Variants in VIL1 observed in about 807,000 individuals in gnomAD.
The protein encoded by VIL1 is villin 1, also known as villin-1.
VIL1 carries 86 observed loss-of-function variants against 104.0 expected under a neutral mutation model. The ratio of observed to expected loss-of-function variants is 0.83; its 90% CI spans 0.69 to 0.99. The LOEUF (loss-of-function observed/expected upper bound fraction) is 0.99, where lower values mean the gene tolerates loss of function less well. VIL1 is among the 50% of genes least tolerant of loss of function. The pLI, the probability that VIL1 is intolerant of heterozygous loss-of-function variation, is 0.00. For missense variants in VIL1, 944 were observed against 1,054.1 expected (o/e 0.90, Z 1.45); for synonymous variants, 394 against 412.6 (o/e 0.95, Z 0.55).
At chr2:218,434,500 T>C (rs1194846603) in intron 13 of VIL1, 26 bp from the exon 14 acceptor site, 2 of 1,594,180 alleles carry the variant, frequency 1.3e-6, no homozygotes, top group Admixed American at 3.5e-5. Context: ...TGACTCTCTC[T>C]CCCTGTCTTC....
intron 10 of VIL1, 103 bp downstream of exon 10, chr2:218,430,981 A>G (rs1247491289): frequency 3.5e-6 from 5 of 1,449,164 alleles, no homozygotes; most frequent in Non-Finnish European, 3.8e-6. Flanking sequence ...TGCATCTTCA[A>G]CGAAGACTTT....
intron 14 of VIL1, 36 bp downstream of exon 14, chr2:218,434,741 G>C: frequency 6.3e-7 from 1 of 1,576,404 alleles, no homozygotes; most frequent in Non-Finnish European, 8.6e-7. Flanking sequence ...CCATCCGCAA[G>C]TGGGTCCTGG....
At chr2:218,420,598 T>G (rs551978387) in intron 1 of VIL1, among the ~76,000 whole-genome samples, 107 of 150,390 alleles carry the variant, frequency 7.1e-4, no homozygotes, top group East Asian at 3.3e-3. Context: ...TTTTTGTTTT[T>G]TTTTTGAGAA....
At chr2:218,441,314 G>A (rs1000036599) in intron 19 of VIL1, among the ~76,000 whole-genome samples, 3 of 144,662 alleles carry the variant, frequency 2.1e-5, no homozygotes, top group African/African-American at 2.9e-5. Context: ...GCTTGAACCC[G>A]GGAGGTGGAG....
Position 218,423,786 on chromosome 2 carries a change from A to C in VIL1, c.8A>C (p.Lys3Thr). MT[K>T]LSAQVKGSLN... ...CCCCCAGGCTCACTCACCATGACCA[A>C]GCTGAGCGCCCAAGTCAAAGGCTCT... Residue 3 changes from lysine to threonine, a missense_variant, in exon 2 of 20, where the codon AAG (lysine) becomes ACG (threonine). By Grantham distance (78) the Lys-to-Thr change is moderately conservative. Transcript: ENST00000248444. The C allele has an allele frequency of 6.2e-7, 1 of 1,614,150 alleles. No homozygotes were observed. Among genetic ancestry groups the C allele is most frequent in the Non-Finnish European group, 8.5e-7 (1 of 1,180,020 alleles).
intron 10 of VIL1, among the ~76,000 whole-genome samples, chr2:218,431,524 C>A (rs1689098274): frequency 6.6e-6 from 1 of 152,092 alleles, no homozygotes; most frequent in African/African-American, 2.4e-5. Flanking sequence ...GTACAGCCCC[C>A]AACATTGCAC....
At position 218,447,920 on chromosome 2, in the gene VIL1, T is replaced by C. The variant is rs1198175875; in HGVS notation, c.2371-1303T>C. On this transcript the variant is annotated intron_variant, in intron 19 of 19. Transcript: ENST00000248444. ...TTTGTTTTCAGTATACTTTCATATG[T>C]AGTATTATTTTCATTTTCATAAAAG... Among the ~76,000 whole-genome samples the C allele has an allele frequency of 2.6e-5, 4 of 152,124 alleles. No individual in the cohort carries two copies. The East Asian group carries it at 7.7e-4, about 29-fold the overall frequency.
At chr2:218,446,371 A>G (rs566635813) in intron 19 of VIL1, among the ~76,000 whole-genome samples, 1 of 152,220 alleles carries the variant, frequency 6.6e-6, no homozygotes, top group South Asian at 2.1e-4. Flanking sequence ...AGTAGCTGAG[A>G]ATACAGGTTC....
At chr2:218,432,409 A>C (rs569304587) in intron 12 of VIL1, 1 of 765,582 alleles carries the variant, frequency 1.3e-6, no homozygotes, top group Admixed American at 2.0e-5. Context: ...CCTTCTGCAC[A>C]TTCTTGTCAC....
intron 12 of VIL1, 74 bp downstream of exon 12, chr2:218,432,257 C>A: frequency 6.4e-7 from 1 of 1,560,458 alleles, no homozygotes; most frequent in Non-Finnish European, 8.6e-7. Context: ...GCTAAGTGGC[C>A]ATCACCCTTG....
intron 18 of VIL1, 112 bp from the exon 19 acceptor site, chr2:218,440,610 G>A (rs1032342776): frequency 1.5e-6 from 2 of 1,307,496 alleles, no homozygotes; most frequent in Non-Finnish European, 2.2e-6. Flanking sequence ...GGGTGGGGTG[G>A]GACATGGGAG....
At chr2:218,420,282 A>T (rs1688877177) in intron 1 of VIL1, among the ~76,000 whole-genome samples, 1 of 151,908 alleles carries the variant, frequency 6.6e-6, no homozygotes, top group African/African-American at 2.4e-5. Flanking sequence ...ATACATAATT[A>T]GCTGGGTGTG....
chr2:218,432,265 T>G (rs1369239575), intron 12 of VIL1, 82 bp downstream of exon 12: 1 of 1,545,476 alleles, frequency 6.5e-7, no homozygotes, highest in African/African-American at 1.4e-5. Flanking sequence ...GCCATCACCC[T>G]TGGGTTGAAT....
intron 1 of VIL1, among the ~76,000 whole-genome samples, chr2:218,420,612 G>A (rs1204812919): frequency 6.9e-6 from 1 of 145,510 alleles, no homozygotes; most frequent in East Asian, 2.1e-4. Context: ...TTGAGAAGGA[G>A]TCTCACTCTT....
chr2:218,424,176 C>T (rs3731866), intron 2 of VIL1, 101 bp from the exon 3 acceptor site: 302,104 of 1,004,444 alleles, frequency 0.3, 48,385 homozygotes, highest in Non-Finnish European at 0.33. Flanking sequence ...TTCCTGGGCC[C>T]GGCTCTTTGT....
At chr2:218,426,807 T>C (rs998467792) in intron 4 of VIL1, among the ~76,000 whole-genome samples, 1 of 151,652 alleles carries the variant, frequency 6.6e-6, no homozygotes, top group East Asian at 2.0e-4. Context: ...TTTCACCGTG[T>C]TAGCCAGGAT....
chr2:218,425,927 T>G, intron 4 of VIL1, 116 bp downstream of exon 4: 1 of 1,145,592 alleles, frequency 8.7e-7, no homozygotes, highest in Non-Finnish European at 1.2e-6. Context: ...GGAAGAACAC[T>G]TGGAGCAGGG....
chr2:218,429,117 C>T lies in VIL1; in HGVS notation c.568-168C>T, dbSNP rs530041799. Among the ~76,000 whole-genome samples, 32 of 152,330 alleles carry T rather than the reference C, an allele frequency of 2.1e-4. No individual in the cohort carries two copies. The South Asian group carries it at 2.3e-3, about 11-fold the overall frequency. On this transcript the variant is annotated intron_variant, in intron 6 of 19. Transcript: ENST00000248444. ...CTCCCAGCTGCCTTCCCCCTGGTTTCCTTACATGCCTTAAAAGCTTGACCC... is the reference window on the plus strand; with the variant it reads ...CTCCCAGCTGCCTTCCCCCTGGTTTTCTTACATGCCTTAAAAGCTTGACCC...
chr2:218,432,178 T>C lies in VIL1; in HGVS notation c.1336T>C (p.Trp446Arg). The change falls in exon 12 of 20, where the codon TGG (tryptophan) becomes CGG (arginine). Residue 446 changes from tryptophan (W) to arginine (R), a missense_variant. By Grantham distance (101) the Trp-to-Arg change is moderately radical. Transcript: ENST00000248444. ...GAAGCAGCATTACCTGCTCTACGTT[T>C]GGCAGGTCAGGTCCCGCCACGTCCC... The part of the protein sequence containing the change: ...GEKQHYLLYV[W>R]QGSQASQDEI... 2 of 1,612,632 alleles carry C rather than the reference T, an allele frequency of 1.2e-6. No individual in the cohort carries two copies. Among genetic ancestry groups the C allele is most frequent in the Non-Finnish European group, 1.7e-6 (2 of 1,179,636 alleles).
Sources: gnomAD v4.1 joint callset for allele counts (sites outside exome capture counted in the v4.1 genomes callset) on GRCh38, gnomAD v4.1.1 for gene constraint, MANE v1.5 for transcripts, NCBI Gene and HGNC (gene_info 2026-07-23, HGNC 2026-07-21) for gene names.